SLCO3A1: variants seen among roughly 807,000 people sequenced by gnomAD.
The protein encoded by SLCO3A1 is solute carrier organic anion transporter family member 3A1.
In SLCO3A1, 27 loss-of-function variants were observed where a neutral mutation model predicts 63.1. That is an observed-to-expected ratio of 0.43 (90% CI 0.32 to 0.59). The LOEUF is 0.59. Ranked by LOEUF, SLCO3A1 falls within the 20% of genes least tolerant of loss-of-function variation. The pLI is 0.09. For missense variants in SLCO3A1, 773 were observed against 945.8 expected (o/e 0.82, Z 2.40); for synonymous variants, 473 against 409.9 (o/e 1.15, Z -1.86).
chr15:91,906,695 C>A lies in SLCO3A1; in HGVS notation c.181-9298C>A, dbSNP rs547781738. Among the ~76,000 whole-genome samples the A allele has an allele frequency of 7.9e-5, 12 of 152,230 alleles. No individual in the cohort carries two copies. In the East Asian group the frequency reaches 2.3e-3, roughly 29 times the overall value. On this transcript the variant is annotated intron_variant, in intron 1 of 9. Transcript: ENST00000318445. ...CTTAAAATTTCTCTAATAAAAGAGC[C>A]CTGGCACCACAGAAGTTGGTGTGTT...
chr15:92,164,655 G>T lies in SLCO3A1; in HGVS notation c.*1520G>T, dbSNP rs771141284. On this transcript the variant is annotated 3_prime_UTR_variant, in exon 10 of 10. Transcript: ENST00000318445. ...GACCCACAAGCTCCTGGAAGCTGTCGTGTGTCCAATGCGTGAAAATGTCTG... is the reference window on the plus strand; with the variant it reads ...GACCCACAAGCTCCTGGAAGCTGTCTTGTGTCCAATGCGTGAAAATGTCTG... 1 of 985,368 alleles carries T rather than the reference G, an allele frequency of 1.0e-6. No individual in the cohort carries two copies. Among genetic ancestry groups the T allele is most frequent in the Non-Finnish European group, 1.2e-6 (1 of 829,908 alleles). 61.0% of individuals were successfully genotyped at this position (985,368 alleles called of 1,614,324 possible).
At chr15:92,171,157 G>C (rs1157184552) in intron 10 of SLCO3A1, 1 of 152,214 alleles carries the variant, frequency 6.6e-6, no homozygotes, top group Non-Finnish European at 1.5e-5. Flanking sequence ...CACAATCAAT[G>C]AGACCTGCAC....
intron 7 of SLCO3A1, among the ~76,000 whole-genome samples, chr15:92,141,772 A>G (rs2048135470): frequency 6.6e-6 from 1 of 152,298 alleles, no homozygotes; most frequent in African/African-American, 2.4e-5. Flanking sequence ...CCTCCTTAAC[A>G]GCCTCACGAC....
At position 91,945,797 on chromosome 15, in the gene SLCO3A1, C is replaced by T. The variant is rs71411117; in HGVS notation, c.646+29339C>T. Among the ~76,000 whole-genome samples, 470 of 152,206 alleles carry T rather than the reference C, an allele frequency of 3.1e-3. 3 individuals are homozygous for T. Among genetic ancestry groups the T allele is most frequent in the Non-Finnish European group, 5.2e-3 (356 of 68,008 alleles). ...TGGGTCTGGGTGACTGATTTGGAGG[C>T]GACTGAAGATAACATGTCACCCTGG... On this transcript the variant is annotated intron_variant, in intron 2 of 9. Coordinates refer to ENST00000318445, the MANE Select transcript of SLCO3A1 (RefSeq NM_013272.4).
At chr15:92,146,625 G>A (rs1423932046) in intron 7 of SLCO3A1, among the ~76,000 whole-genome samples, 3 of 152,172 alleles carry the variant, frequency 2.0e-5, no homozygotes, top group Non-Finnish European at 4.4e-5. Context: ...AGGACAAATT[G>A]GCAAGTAATT....
rs1278055391 is a variant in SLCO3A1, at chr15:91,862,162, TA to T, written c.180+8075del. On this transcript the variant is annotated intron_variant, in intron 1 of 9. Coordinates refer to ENST00000318445, the MANE Select transcript of SLCO3A1 (RefSeq NM_013272.4). This position sits in a 1 kb window ranked among gnomAD's most constrained non-coding sequence, Gnocchi z 4.0. ...GATGAAGTCTTATTTTTTTATTTTT[TA>T]TTTTTTTTTTGAGACAGTCTCACAC... is the stretch of plus-strand genomic sequence containing the variant. 1.3e-5 allele frequency among the ~76,000 whole-genome samples: 2 copies of T among 150,342 alleles called. No homozygotes were observed. Among genetic ancestry groups the T allele is most frequent in the African/African-American group, 2.5e-5 (1 of 39,748 alleles).
At chr15:91,935,554 A>G (rs997472232) in intron 2 of SLCO3A1, among the ~76,000 whole-genome samples, 5 of 152,182 alleles carry the variant, frequency 3.3e-5, no homozygotes, top group African/African-American at 9.7e-5. Flanking sequence ...GTTGAGTTCA[A>G]CCAGCCTGAT....
At chr15:92,137,066 G>T (rs1447834244) in intron 7 of SLCO3A1, among the ~76,000 whole-genome samples, 5 of 146,526 alleles carry the variant, frequency 3.4e-5, no homozygotes, top group African/African-American at 1.3e-4. Context: ...CTGGTGCGCT[G>T]CACCCACTAA....
intron 1 of SLCO3A1, among the ~76,000 whole-genome samples, chr15:91,880,098 T>TGTCCGTCCGTCCGTCC (rs61664916): frequency 1.0e-5 from 1 of 97,794 alleles, no homozygotes; most frequent in African/African-American, 3.6e-5. Context: ...CTTGTATGTG[T>TGTCCGTCCGTCCGTCC]GTCCGTCCGT....
chr15:91,884,072 G>A (rs573616388), intron 1 of SLCO3A1, among the ~76,000 whole-genome samples: 67 of 152,284 alleles, frequency 4.4e-4, no homozygotes, highest in African/African-American at 1.5e-3. Context: ...GTTTTCCTAT[G>A]GATTAACCTT....
chr15:91,941,120 A>T lies in SLCO3A1; in HGVS notation c.646+24662A>T, dbSNP rs1399708094. ...TCTGGCCGTGCAATTAGAGGTTGTTAGGCAGCTACAATGGGAAATTAATTC... is the reference window on the plus strand; with the variant it reads ...TCTGGCCGTGCAATTAGAGGTTGTTTGGCAGCTACAATGGGAAATTAATTC... On this transcript the variant is annotated intron_variant, in intron 2 of 9. Coordinates refer to ENST00000318445, the MANE Select transcript of SLCO3A1 (RefSeq NM_013272.4). This position sits in a 1 kb window ranked among gnomAD's most constrained non-coding sequence, Gnocchi z 4.4. Among the ~76,000 whole-genome samples, 1 of 152,234 alleles carries T rather than the reference A, an allele frequency of 6.6e-6. No homozygotes were observed. Among genetic ancestry groups the T allele is most frequent in the Non-Finnish European group, 1.5e-5 (1 of 68,044 alleles).
rs1037858124 is a variant in SLCO3A1 at position 92,164,578 on chromosome 15, A to C, written c.*1443A>C. 1.0e-6 allele frequency: 1 copy of C among 981,142 alleles called. No homozygotes were observed. The highest frequency in any genetic ancestry group is 1.2e-6 in the Non-Finnish European group (1 of 829,090). 60.8% of individuals were successfully genotyped at this position (981,142 alleles called of 1,614,324 possible). On this transcript the variant is annotated 3_prime_UTR_variant, in exon 10 of 10. Coordinates refer to ENST00000318445, the MANE Select transcript of SLCO3A1 (RefSeq NM_013272.4). ...ACTTCCGGGGATAGGAAAGAAGAAC[A>C]GTTCCCTAACACAAGCTGTTAAGAA...
chr15:91,951,286 C>G (rs889747738), intron 2 of SLCO3A1, among the ~76,000 whole-genome samples: 1 of 152,210 alleles, frequency 6.6e-6, no homozygotes, highest in African/African-American at 2.4e-5. Flanking sequence ...TTTGCCTTTT[C>G]TGGACATTTA....
At chr15:92,098,506 C>A (rs1736225463) in intron 3 of SLCO3A1, among the ~76,000 whole-genome samples, 1 of 152,166 alleles carries the variant, frequency 6.6e-6, no homozygotes, top group African/African-American at 2.4e-5. Context: ...CAGGTGAGAA[C>A]AGGACCTTGA....
chr15:92,171,947 T>G, exon 11 of SLCO3A1: 2 of 980,960 alleles, frequency 2.0e-6, no homozygotes, highest in Non-Finnish European at 3.2e-6. Flanking sequence ...CGCTCCTCCC[T>G]GTCCGAGAAC....
In SLCO3A1 at chr15:91,950,700, A is replaced by G. The variant is rs757677628; in HGVS notation, c.646+34242A>G. On this transcript the variant is annotated intron_variant, in intron 2 of 9. Transcript: ENST00000318445. This position sits in a 1 kb window ranked among gnomAD's most constrained non-coding sequence, Gnocchi z 4.4. ...ACTTCATTTGGTTCTGTATTTCACAACCAGTCTGATTGCTCTTGTCCCAAG... is the reference window on the plus strand; with the variant it reads ...ACTTCATTTGGTTCTGTATTTCACAGCCAGTCTGATTGCTCTTGTCCCAAG... Among the ~76,000 whole-genome samples the G allele has an allele frequency of 6.6e-6, 1 of 152,140 alleles. No individual in the cohort carries two copies. Among genetic ancestry groups the G allele is most frequent in the Non-Finnish European group, 1.5e-5 (1 of 68,014 alleles).
At chr15:91,855,890 G>T (rs1896906497) in intron 1 of SLCO3A1, among the ~76,000 whole-genome samples, 1 of 152,130 alleles carries the variant, frequency 6.6e-6, no homozygotes, top group South Asian at 2.1e-4. Flanking sequence ...TCGGTAGAGT[G>T]CATTATTCAT....
chr15:91,977,850 G>A (rs900244641), intron 2 of SLCO3A1, among the ~76,000 whole-genome samples: 4 of 152,156 alleles, frequency 2.6e-5, no homozygotes, highest in African/African-American at 9.7e-5. Context: ...ACTTTTTAAT[G>A]GTTGAGATTA....
rs1215476541 is a variant in SLCO3A1, at chr15:91,853,876, A to G, written c.-33A>G. ...CACCCGGGGCGAGCGGGAAAGCGGC[A>G]GCGGCGGCGGCGGCGGCGGCGGCGG... On this transcript the variant is annotated 5_prime_UTR_variant, in exon 1 of 10. Transcript: ENST00000318445. 39 of 1,294,762 alleles carry G rather than the reference A, an allele frequency of 3.0e-5. No individual in the cohort carries two copies. Among genetic ancestry groups the G allele is most frequent in the Middle Eastern group, 2.8e-4 (1 of 3,568 alleles). The allele number at this position is 1,294,762 out of a possible 1,614,324, so 80.2% of individuals were successfully genotyped here.
Sources: allele counts gnomAD v4.1 joint callset (sites outside exome capture counted in the v4.1 genomes callset), GRCh38; gene constraint gnomAD v4.1.1; non-coding constraint Gnocchi (gnomAD v3.1); transcripts MANE v1.5; gene names NCBI Gene and HGNC (gene_info 2026-07-23, HGNC 2026-07-21).